BCKDHB: variants seen among roughly 807,000 people sequenced by gnomAD.
BCKDHB encodes the protein branched chain keto acid dehydrogenase E1 subunit beta, also known as 2-oxoisovalerate dehydrogenase subunit beta, mitochondrial.
Under a neutral mutation model 48.5 loss-of-function variants are expected in BCKDHB, and 41 were observed. The ratio of observed to expected loss-of-function variants is 0.85; its 90% CI spans 0.66 to 1.10. The LOEUF is 1.10. BCKDHB is among the 50% of genes least tolerant of loss of function. The pLI is 0.00. For missense variants in BCKDHB, 496 were observed against 494.2 expected, an observed-to-expected ratio of 1.00 and a Z score of -0.03; for synonymous variants, 201 against 174.8, an observed-to-expected ratio of 1.15 and a Z score of -1.18.
intron 6 of BCKDHB, among the ~76,000 whole-genome samples, chr6:80,175,258 T>C (rs927576446): frequency 1.3e-5 from 2 of 152,190 alleles, no homozygotes; most frequent in African/African-American, 4.8e-5. Flanking sequence ...AACTTGAAGA[T>C]TGCACACATT....
downstream of BCKDHB, among the ~76,000 whole-genome samples, chr6:80,349,156 A>G (rs886917750): frequency 6.6e-6 from 1 of 152,256 alleles, no homozygotes; most frequent in Non-Finnish European, 1.5e-5. Context: ...CAAAACTTCT[A>G]AACTCTTCAT....
At chr6:80,270,661 C>T (rs1777699771) in intron 8 of BCKDHB, among the ~76,000 whole-genome samples, 1 of 152,094 alleles carries the variant, frequency 6.6e-6, no homozygotes. Flanking sequence ...AGAACTTGAA[C>T]TTGTCTGATG....
At chr6:80,313,670 G>A (rs1015547150) in intron 9 of BCKDHB, among the ~76,000 whole-genome samples, 13 of 152,058 alleles carry the variant, frequency 8.5e-5, no homozygotes, top group African/African-American at 9.7e-5. Flanking sequence ...CTGAGCCACC[G>A]CGCCTGACCT....
At chr6:80,270,144 A>T (rs750548029) in intron 8 of BCKDHB, among the ~76,000 whole-genome samples, 1 of 152,176 alleles carries the variant, frequency 6.6e-6, no homozygotes, top group Non-Finnish European at 1.5e-5. Flanking sequence ...ATTGTGAATG[A>T]TAAAAAGCAT....
intron 6 of BCKDHB, among the ~76,000 whole-genome samples, chr6:80,189,431 C>A (rs1458675481): frequency 6.6e-6 from 1 of 152,100 alleles, no homozygotes; most frequent in Admixed American, 6.5e-5. Context: ...AATAAGAATT[C>A]TAATAATATA....
At chr6:80,412,302 C>T in the BCKDHB span, among the ~76,000 whole-genome samples, 2 of 151,946 alleles carry the variant, frequency 1.3e-5, no homozygotes, top group Non-Finnish European at 2.9e-5. Flanking sequence ...CACCACCACA[C>T]CTGGCTAATT....
intron 9 of BCKDHB, among the ~76,000 whole-genome samples, chr6:80,328,207 T>G (rs1392869445): frequency 6.6e-6 from 1 of 152,186 alleles, no homozygotes; most frequent in African/African-American, 2.4e-5. Flanking sequence ...GAATGCCTGC[T>G]TTGTGCCAGA....
intron 8 of BCKDHB, among the ~76,000 whole-genome samples, chr6:80,206,291 A>G (rs1189398528): frequency 2.2e-5 from 2 of 92,338 alleles, no homozygotes; most frequent in African/African-American, 9.0e-5. Flanking sequence ...CTATCTGCGC[A>G]GCAGAGCCAA....
chr6:80,409,407 G>C, the BCKDHB span, among the ~76,000 whole-genome samples: 4 of 151,442 alleles, frequency 2.6e-5, no homozygotes, highest in Non-Finnish European at 4.4e-5. Context: ...ACTTGGTGCA[G>C]AGCTGAGTTC....
At chr6:80,248,902 ATGTGTGTGTG>A (rs3077568) in intron 8 of BCKDHB, among the ~76,000 whole-genome samples, 5 of 146,686 alleles carry the variant, frequency 3.4e-5, no homozygotes, top group African/African-American at 1.3e-4. Context: ...GTGTGTGTGT[ATGTGTGTGTG>A]TGTGTGTGTG....
the BCKDHB span, among the ~76,000 whole-genome samples, chr6:80,407,951 T>C: frequency 6.6e-6 from 1 of 152,202 alleles, no homozygotes; most frequent in East Asian, 1.9e-4. Flanking sequence ...AAGGTAATGC[T>C]TCCAGTTTTT....
At chr6:80,216,655 T>G (rs567412249) in intron 8 of BCKDHB, among the ~76,000 whole-genome samples, 1 of 152,334 alleles carries the variant, frequency 6.6e-6, no homozygotes, top group Admixed American at 6.5e-5. Context: ...CGTTACCTCA[T>G]TTCATAATGA....
chr6:80,414,247 G>T, the BCKDHB span, among the ~76,000 whole-genome samples: 3 of 152,066 alleles, frequency 2.0e-5, no homozygotes, highest in Admixed American at 6.6e-5. Context: ...TCTGTAGGTT[G>T]TCCCTTCACT....
the BCKDHB span, among the ~76,000 whole-genome samples, chr6:80,383,606 G>A: frequency 2.0e-5 from 3 of 151,796 alleles, no homozygotes; most frequent in Non-Finnish European, 4.4e-5. Context: ...TGTCTTTATA[G>A]TGTGAGATAA....
At chr6:80,423,122 A>G in the BCKDHB span, among the ~76,000 whole-genome samples, 2 of 152,248 alleles carry the variant, frequency 1.3e-5, no homozygotes, top group Admixed American at 1.3e-4. Flanking sequence ...CTGCCATGCT[A>G]TTCTTATGAT....
At chr6:80,440,942 C>T in the BCKDHB span, 1 of 152,106 alleles carries the variant, frequency 6.6e-6, no homozygotes, top group Non-Finnish European at 1.5e-5. Context: ...TGTGACCCAA[C>T]CCAAATTACA....
At chr6:80,203,824 G>T (rs1040022727) in intron 8 of BCKDHB, among the ~76,000 whole-genome samples, 1 of 151,980 alleles carries the variant, frequency 6.6e-6, no homozygotes, top group African/African-American at 2.4e-5. Context: ...TAAGAATATA[G>T]TTTAGCTCTC....
At chr6:80,394,626 A>T in the BCKDHB span, among the ~76,000 whole-genome samples, 4 of 152,150 alleles carry the variant, frequency 2.6e-5, no homozygotes, top group African/African-American at 7.2e-5. Flanking sequence ...AGGTTTGTCA[A>T]GTAACAGCAT....
intron 8 of BCKDHB, among the ~76,000 whole-genome samples, chr6:80,218,215 T>A (rs1775260111): frequency 6.6e-6 from 1 of 152,132 alleles, no homozygotes; most frequent in Non-Finnish European, 1.5e-5. Context: ...CTCATGTGTT[T>A]CACTGCTGAG....
Sources: allele counts gnomAD v4.1 joint callset (sites outside exome capture counted in the v4.1 genomes callset), GRCh38; gene constraint gnomAD v4.1.1; transcripts MANE v1.5; gene names NCBI Gene and HGNC (gene_info 2026-07-23, HGNC 2026-07-21).